The following NDUFA8 variants were observed in gnomAD, a reference collection of about 807,000 sequenced individuals.
NDUFA8 encodes the protein NADH dehydrogenase [ubiquinone] 1 alpha subcomplex subunit 8.
Under a neutral mutation model 20.9 loss-of-function variants are expected in NDUFA8, and 16 were observed. That is an observed-to-expected ratio of 0.77 (90% CI 0.52 to 1.16). The LOEUF (loss-of-function observed/expected upper bound fraction) is 1.16, where lower values mean the gene tolerates loss of function less well. NDUFA8 is among the 50% of genes most tolerant of loss of function. The pLI is 0.00. For synonymous variants in NDUFA8, 70 were observed against 76.1 expected (o/e 0.92, Z 0.41); for missense variants, 202 against 216.4 (o/e 0.93, Z 0.42).
At chr9:122,132,714 G>C in the NDUFA8 span, among the ~76,000 whole-genome samples, 1 of 152,156 alleles carries the variant, frequency 6.6e-6, no homozygotes, top group East Asian at 1.9e-4. Context: ...TGCTCGCATG[G>C]GCTGGGCTGT....
chr9:122,159,507 G>C (rs1829144738), intron 1 of NDUFA8, 120 bp downstream of exon 1: 1 of 1,242,310 alleles, frequency 8.0e-7, no homozygotes, highest in Non-Finnish European at 1.2e-6. Context: ...CTGTATATGC[G>C]TTGGAGGACT....
intron 3 of NDUFA8, among the ~76,000 whole-genome samples, chr9:122,147,119 CTCAAT>C (rs1426305908): frequency 6.6e-6 from 1 of 152,114 alleles, no homozygotes; most frequent in Non-Finnish European, 1.5e-5. Context: ...TAATTTAATC[CTCAAT>C]TCTTCAATTT....
In NDUFA8 at chr9:122,152,464, C is replaced by CTCAG. The variant is rs1829018174; in HGVS notation, c.52-60_52-57dup. On this transcript the variant is annotated intron_variant, in intron 1 of 3. Coordinates refer to ENST00000373768, the MANE Select transcript of NDUFA8 (RefSeq NM_014222.3). ...AGACTGTGAACCAGAATACCACTTT[C>CTCAG]TCAGCTTTACCTCATGCGGGTCAGA... 147 of 1,569,128 alleles carry CTCAG rather than the reference C, an allele frequency of 9.4e-5. 1 individual carries two copies. The South Asian group carries it at 1.5e-3, about 16-fold the overall frequency.
intron 2 of NDUFA8, among the ~76,000 whole-genome samples, chr9:122,148,748 G>C (rs1828945299): frequency 6.6e-6 from 1 of 152,004 alleles, no homozygotes; most frequent in Admixed American, 6.6e-5. Flanking sequence ...AGAAGATCCT[G>C]GGATCATTCA....
chr9:122,148,295 G>A lies in NDUFA8; in HGVS notation c.216-18C>T. 1.9e-6 allele frequency: 3 copies of A among 1,613,962 alleles called. No homozygotes were observed. The highest frequency in any genetic ancestry group is 2.5e-6 in the Non-Finnish European group (3 of 1,179,894). On this transcript the variant is annotated intron_variant, in intron 2 of 3. Coordinates refer to ENST00000373768, the MANE Select transcript of NDUFA8 (RefSeq NM_014222.3). Reference sequence around the variant, plus strand: ...TTATCTGCCTGGAAAAGAAAGCTGGGTTAGGGGCATCTCTTTGCAAAACAA... The same window carrying A: ...TTATCTGCCTGGAAAAGAAAGCTGGATTAGGGGCATCTCTTTGCAAAACAA...
At chr9:122,141,845 C>T (rs190398757), downstream of NDUFA8, among the ~76,000 whole-genome samples, 139 of 152,084 alleles carry the variant, frequency 9.1e-4, 1 homozygote, top group Admixed American at 9.2e-4. Context: ...TCGTGTAATC[C>T]CATCGCGAGT....
chr9:122,144,079 G>A lies in NDUFA8; in HGVS notation c.*162C>T, dbSNP rs1828861057. The A allele has an allele frequency of 1.4e-6, 2 of 1,480,178 alleles. No individual in the cohort carries two copies. The highest frequency in any genetic ancestry group is 1.8e-6 in the Non-Finnish European group (2 of 1,118,680). The allele number at this position is 1,480,178 out of a possible 1,614,324, so 91.7% of individuals were successfully genotyped here. ...ACCGTTTCCTTTAAAAATTTTAATG[G>A]ACAGGAAATGGTATAGAATAACTGC... On this transcript the variant is annotated 3_prime_UTR_variant, in exon 4 of 4. Transcript: ENST00000373768.
Position 122,153,266 on chromosome 9 carries a change from CA to C in NDUFA8, c.52-859del, listed in dbSNP as rs71371923. Among the ~76,000 whole-genome samples, 643 of 120,530 alleles carry C rather than the reference CA, an allele frequency of 5.3e-3. 4 individuals carry two copies. Among genetic ancestry groups the C allele is most frequent in the East Asian group, 0.033 (133 of 4,042 alleles). The allele number at this position is 120,530 out of a possible 152,430, so 79.1% of individuals were successfully genotyped here. A position where few individuals can be genotyped will look rare whatever the true frequency, so the allele number is the denominator to read the frequency against. On this transcript the variant is annotated intron_variant, in intron 1 of 3. Transcript: ENST00000373768. ...GGGGTGACAGAGCAAGACTCTGTCT[CA>C]AAAAAAAAAAAAATTAAATTAAATT...
In NDUFA8 at chr9:122,144,347, G is replaced by A. The variant is rs755602829; in HGVS notation, c.413C>T (p.Pro138Leu). ...VTKVKTDRPL[P>L]ENPYHSRPRP... ...TGGTCTTGAGTGATAGGGATTCTCC[G>A]GTAAAGGTCGATCTGTTTTCACTTT... The change falls in exon 4 of 4, where the codon CCG (proline) becomes CTG (leucine). Residue 138 changes from proline (P) to leucine (L), a missense_variant. Transcript: ENST00000373768. The A allele has an allele frequency of 1.7e-5, 27 of 1,613,990 alleles. No individual in the cohort carries two copies. Among genetic ancestry groups the A allele is most frequent in the Middle Eastern group, 3.3e-4 (2 of 6,082 alleles).
chr9:122,138,424 T>A, the NDUFA8 span, among the ~76,000 whole-genome samples: 1 of 152,218 alleles, frequency 6.6e-6, no homozygotes, highest in Non-Finnish European at 1.5e-5. Context: ...CTGGGCTTCT[T>A]TTTTTTCCTT....
rs758217622 is a variant in NDUFA8 at position 122,144,217 on chromosome 9, C to A, written c.*24G>T. On this transcript the variant is annotated 3_prime_UTR_variant, in exon 4 of 4. Transcript: ENST00000373768. ...ATCAGTCGTTGTCTGAGCACATGAC[C>A]GAGTGTGGGCCACGGACCCATCTTT... is the stretch of plus-strand genomic sequence containing the variant. The A allele has an allele frequency of 1.9e-6, 3 of 1,612,932 alleles. No individual in the cohort carries two copies. Among genetic ancestry groups the A allele is most frequent in the Non-Finnish European group, 2.5e-6 (3 of 1,179,984 alleles).
Position 122,152,262 on chromosome 9 carries a change from A to C in NDUFA8, c.198T>G (p.Cys66Trp). 6.2e-7 allele frequency: 1 copy of C among 1,614,210 alleles called. No individual in the cohort carries two copies. The highest frequency in any genetic ancestry group is 8.5e-7 in the Non-Finnish European group (1 of 1,180,042). Residue 66 changes from cysteine to tryptophan, a missense_variant, in exon 2 of 4, where the codon TGT becomes TGG. Physicochemically the swap from Cys to Trp is radical, Grantham distance 215. Coordinates refer to ENST00000373768, the MANE Select transcript of NDUFA8 (RefSeq NM_014222.3). ...ATTTTTACCTAAAGAAGTCCAAAGC[A>C]CACTTGTTGACCAGTTTGCCTTCCT... is the stretch of plus-strand genomic sequence containing the variant. ...CLEEGKLVNK[C>W]ALDFFRQIKR... is the part of the protein sequence containing the mutation.
chr9:122,141,500 C>G (rs7043807), downstream of NDUFA8, among the ~76,000 whole-genome samples: 38,353 of 151,808 alleles, frequency 0.25, 6,334 homozygotes, highest in African/African-American at 0.47. Context: ...TGGAGTAAAC[C>G]GAAGAGTCAA....
chr9:122,147,984 A>T, intron 3 of NDUFA8, 128 bp downstream of exon 3: 2 of 1,150,860 alleles, frequency 1.7e-6, no homozygotes, highest in Non-Finnish European at 2.6e-6. Flanking sequence ...CTGCCTAATT[A>T]ATATGTTTGG....
chr9:122,148,885 C>T (rs757324184), intron 2 of NDUFA8, among the ~76,000 whole-genome samples: 8 of 152,120 alleles, frequency 5.3e-5, no homozygotes, highest in Non-Finnish European at 1.0e-4. Context: ...GTATTCTCTG[C>T]TAAGAAGCAG....
intron 1 of NDUFA8, among the ~76,000 whole-genome samples, chr9:122,157,337 G>C (rs2118719933): frequency 6.6e-6 from 1 of 152,206 alleles, no homozygotes; most frequent in African/African-American, 2.4e-5. Context: ...TTTTATAGCT[G>C]GGATCACCTC....
intron 1 of NDUFA8, among the ~76,000 whole-genome samples, chr9:122,155,705 C>CT (rs974135350): frequency 6.6e-6 from 1 of 152,074 alleles, no homozygotes; most frequent in African/African-American, 2.4e-5. Flanking sequence ...AACACTCAAA[C>CT]TTTTTTAAAA....
intron 1 of NDUFA8, among the ~76,000 whole-genome samples, chr9:122,158,494 A>C (rs1345023825): frequency 6.6e-6 from 1 of 152,110 alleles, no homozygotes; most frequent in East Asian, 1.9e-4. Context: ...AGGCCGTCTC[A>C]TTCTTGTGAG....
chr9:122,133,971 G>A, the NDUFA8 span, among the ~76,000 whole-genome samples: 1 of 152,272 alleles, frequency 6.6e-6, no homozygotes, highest in South Asian at 2.1e-4. Context: ...TGAGTCTGAT[G>A]CCTCTGCCAC....
Sources: gnomAD v4.1 joint callset for allele counts (sites outside exome capture counted in the v4.1 genomes callset) on GRCh38, gnomAD v4.1.1 for gene constraint, MANE v1.5 for transcripts, NCBI Gene and HGNC (gene_info 2026-07-23, HGNC 2026-07-21) for gene names.